ZNF804B: variants seen among roughly 807,000 people sequenced by gnomAD.
ZNF804B encodes the protein zinc finger protein 804B, also known as zinc finger 804B.
ZNF804B carries 80 observed loss-of-function variants against 101.4 expected under a neutral mutation model. The observed-to-expected ratio is 0.79, with a 90% CI of 0.66 to 0.95. ZNF804B has a LOEUF of 0.95. Ranked by LOEUF, ZNF804B falls within the 40% of genes least tolerant of loss-of-function variation. ZNF804B has a pLI of 0.00. For missense variants in ZNF804B, 1,673 were observed against 1,561.9 expected (o/e 1.07, Z -1.20); for synonymous variants, 622 against 558.8 (o/e 1.11, Z -1.59).
At chr7:89,007,484 A>ATATATATG in intron 1 of ZNF804B, among the ~76,000 whole-genome samples, 1 of 60,996 alleles carries the variant, frequency 1.6e-5, no homozygotes, top group Non-Finnish European at 3.0e-5. Context: ...ATATATATAT[A>ATATATATG]TGTCAACCTA....
chr7:89,063,868 G>A (rs1789412090), intron 1 of ZNF804B, among the ~76,000 whole-genome samples: 1 of 152,164 alleles, frequency 6.6e-6, no homozygotes, highest in South Asian at 2.1e-4. Context: ...CCTCGGTGTT[G>A]GTTACAGCCA....
chr7:88,792,841 T>A (rs1246201042), intron 1 of ZNF804B, among the ~76,000 whole-genome samples: 1 of 152,120 alleles, frequency 6.6e-6, no homozygotes, highest in Non-Finnish European at 1.5e-5. Context: ...ATTAATGAAG[T>A]ATTACAAAAT....
chr7:88,807,140 G>A (rs1790704485), intron 1 of ZNF804B, among the ~76,000 whole-genome samples: 1 of 152,070 alleles, frequency 6.6e-6, no homozygotes, highest in African/African-American at 2.4e-5. Flanking sequence ...TAGAGAAAAT[G>A]AAATATTTTA....
chr7:88,936,895 C>T (rs557449075), intron 1 of ZNF804B, among the ~76,000 whole-genome samples: 5 of 151,898 alleles, frequency 3.3e-5, no homozygotes, highest in Non-Finnish European at 7.4e-5. Flanking sequence ...TACTGTGGAG[C>T]GTTGCTCTCT....
In ZNF804B at chr7:89,196,107, A is replaced by G. The variant is rs55809145; in HGVS notation, c.109-22048A>G. 7.4e-3 allele frequency among the ~76,000 whole-genome samples: 1,129 copies of G among 152,262 alleles called. 13 individuals carry two copies. Among genetic ancestry groups the G allele is most frequent in the Non-Finnish European group, 0.011 (745 of 68,014 alleles). ...AGCCTGAATAGCCAATACAATCCTAAGTGTAAAGAACAAAGCTGGAGGCAC... is the reference window on the plus strand; with the variant it reads ...AGCCTGAATAGCCAATACAATCCTAGGTGTAAAGAACAAAGCTGGAGGCAC... On this transcript the variant is annotated intron_variant, in intron 1 of 3. Coordinates refer to ENST00000333190, the MANE Select transcript of ZNF804B (RefSeq NM_181646.5).
chr7:89,133,875 C>G (rs769220769), intron 1 of ZNF804B, among the ~76,000 whole-genome samples: 29 of 152,012 alleles, frequency 1.9e-4, no homozygotes, highest in Non-Finnish European at 4.0e-4. Flanking sequence ...TTGGGGAACT[C>G]CAAGTGCTCT....
At chr7:89,014,420 C>T (rs1788509439) in intron 1 of ZNF804B, among the ~76,000 whole-genome samples, 1 of 151,982 alleles carries the variant, frequency 6.6e-6, no homozygotes, top group South Asian at 2.1e-4. Context: ...GGGTTCATGC[C>T]ATTCTCCTGC....
At chr7:89,131,877 T>C (rs1189682570) in intron 1 of ZNF804B, among the ~76,000 whole-genome samples, 1 of 152,008 alleles carries the variant, frequency 6.6e-6, no homozygotes, top group Non-Finnish European at 1.5e-5. Flanking sequence ...TCAAGCCTGA[T>C]AACACGAATC....
intron 1 of ZNF804B, among the ~76,000 whole-genome samples, chr7:88,818,768 G>T (rs1373611517): frequency 1.3e-5 from 2 of 152,160 alleles, no homozygotes; most frequent in Non-Finnish European, 2.9e-5. Flanking sequence ...TTGCCTCAGA[G>T]CTTTGATATC....
chr7:89,281,758 A>C (rs1024785378), intron 2 of ZNF804B, among the ~76,000 whole-genome samples: 1 of 152,188 alleles, frequency 6.6e-6, no homozygotes, highest in African/African-American at 2.4e-5. Context: ...ATAGACTATA[A>C]ACAGGTAAGA....
chr7:89,220,528 T>A (rs1165615789), intron 2 of ZNF804B, among the ~76,000 whole-genome samples: 4 of 151,956 alleles, frequency 2.6e-5, no homozygotes, highest in Non-Finnish European at 5.9e-5. Flanking sequence ...CTTGCTTGAT[T>A]TATACCATCA....
intron 1 of ZNF804B, among the ~76,000 whole-genome samples, chr7:88,953,665 G>A (rs1439281676): frequency 6.6e-6 from 1 of 151,658 alleles, no homozygotes; most frequent in Non-Finnish European, 1.5e-5. Flanking sequence ...CTGTTTGCAT[G>A]AATGTGATTA....
chr7:89,305,629 A>G (rs1790550142), intron 2 of ZNF804B, among the ~76,000 whole-genome samples: 1 of 152,012 alleles, frequency 6.6e-6, no homozygotes, highest in Non-Finnish European at 1.5e-5. Flanking sequence ...ATAGTTTCCA[A>G]TTTTTTATCA....
At chr7:89,152,030 T>TTAACATATGAA (rs1584017836) in intron 1 of ZNF804B, among the ~76,000 whole-genome samples, 1 of 152,292 alleles carries the variant, frequency 6.6e-6, no homozygotes, top group East Asian at 1.9e-4. Flanking sequence ...TTTGTATGTG[T>TTAACATATGAA]TAACATATGA....
intron 2 of ZNF804B, among the ~76,000 whole-genome samples, chr7:89,293,416 G>A (rs1227718158): frequency 6.6e-6 from 1 of 152,042 alleles, no homozygotes; most frequent in Non-Finnish European, 1.5e-5. Context: ...TAAAATAAAA[G>A]TAAATTTTTA....
intron 2 of ZNF804B, among the ~76,000 whole-genome samples, chr7:89,251,492 G>A (rs908787639): frequency 6.7e-6 from 1 of 149,816 alleles, no homozygotes; most frequent in African/African-American, 2.5e-5. Flanking sequence ...TAGACTGGAA[G>A]TACCAATATC....
intron 1 of ZNF804B, among the ~76,000 whole-genome samples, chr7:88,930,855 T>C (rs911093227): frequency 9.2e-5 from 14 of 152,048 alleles, no homozygotes; most frequent in South Asian, 8.3e-4. Flanking sequence ...ACACCTATGA[T>C]AATACTGCAA....
At chr7:88,833,883 C>A (rs1791168987) in intron 1 of ZNF804B, among the ~76,000 whole-genome samples, 1 of 151,518 alleles carries the variant, frequency 6.6e-6, no homozygotes, top group Non-Finnish European at 1.5e-5. Context: ...ATACTTATGC[C>A]AAAATTACTT....
chr7:88,811,824 CAG>C (rs199976633), intron 1 of ZNF804B, among the ~76,000 whole-genome samples: 4,479 of 152,032 alleles, frequency 0.029, 107 homozygotes, highest in Non-Finnish European at 0.048. Context: ...GCCTGTGAGA[CAG>C]GGGAGGGAGA....
Sources: gnomAD v4.1 joint callset for allele counts (sites outside exome capture counted in the v4.1 genomes callset) on GRCh38, gnomAD v4.1.1 for gene constraint, MANE v1.5 for transcripts, NCBI Gene and HGNC (gene_info 2026-07-23, HGNC 2026-07-21) for gene names.